Variants in ENAH observed in about 807,000 individuals in gnomAD.
ENAH encodes protein enabled homolog.
In ENAH, 23 loss-of-function variants were observed where a neutral mutation model predicts 78.7. That is an observed-to-expected ratio of 0.29 (90% CI 0.21 to 0.41). The LOEUF is 0.41. ENAH is among the 10% of genes least tolerant of loss of function. The probability of loss-of-function intolerance (pLI) is 1.00; values close to 1 mark genes in which losing one functional copy is unlikely to be tolerated. For missense variants in ENAH, 544 were observed against 691.0 expected (o/e 0.79, Z 2.39); for synonymous variants, 226 against 241.0 (o/e 0.94, Z 0.58).
At chr1:225,647,884 A>C (rs543325136) in intron 1 of ENAH, among the ~76,000 whole-genome samples, 2 of 152,342 alleles carry the variant, frequency 1.3e-5, no homozygotes, top group South Asian at 4.1e-4. Context: ...ATGAATATAA[A>C]AATCCTCTTC....
intron 3 of ENAH, among the ~76,000 whole-genome samples, chr1:225,531,633 GCTC>G (rs970932804): frequency 1.9e-4 from 29 of 152,212 alleles, no homozygotes; most frequent in African/African-American, 6.7e-4. Context: ...ACCAGCAAAT[GCTC>G]CTAACAGATA....
chr1:225,552,131 A>ATTTTT (rs1445777446), intron 3 of ENAH, among the ~76,000 whole-genome samples: 1 of 90,420 alleles, frequency 1.1e-5, no homozygotes, highest in Non-Finnish European at 2.1e-5. Context: ...AACACTCCTG[A>ATTTTT]TTCTTTTTTT....
intron 11 of ENAH, among the ~76,000 whole-genome samples, chr1:225,505,282 T>C (rs532609455): frequency 1.5e-3 from 223 of 152,312 alleles, no homozygotes; most frequent in African/African-American, 5.0e-3. Context: ...GGCTACTTTT[T>C]ATATAGGTTG....
chr1:225,507,348 T>C (rs2096340561), intron 11 of ENAH, among the ~76,000 whole-genome samples: 1 of 151,974 alleles, frequency 6.6e-6, no homozygotes. Flanking sequence ...TATACATAAA[T>C]ATATATACAT....
rs1242119394 is a variant in ENAH at position 225,490,782 on chromosome 1, C to T, written c.*6993G>A. 2.0e-5 allele frequency: 3 copies of T among 152,216 alleles called. No individual in the cohort carries two copies. Among genetic ancestry groups the T allele is most frequent in the African/African-American group, 7.2e-5 (3 of 41,436 alleles). The allele number at this position is 152,216 out of a possible 1,614,324, so 9.4% of individuals were successfully genotyped here. ...TTCCTCAGATAAACTATAAGCTATT[C>T]TTCTCCTGGAAATTTAAGTGGCAAA... is the stretch of plus-strand genomic sequence containing the variant. On this transcript the variant is annotated 3_prime_UTR_variant, in exon 14 of 14. Coordinates refer to ENST00000366843, the MANE Select transcript of ENAH (RefSeq NM_018212.6).
At chr1:225,621,576 G>A (rs1159695559) in intron 1 of ENAH, among the ~76,000 whole-genome samples, 1 of 151,934 alleles carries the variant, frequency 6.6e-6, no homozygotes, top group Non-Finnish European at 1.5e-5. Context: ...ACAGGCGTGA[G>A]CCACCGCGCC....
intron 2 of ENAH, among the ~76,000 whole-genome samples, chr1:225,566,220 C>A (rs1215288784): frequency 6.6e-6 from 1 of 152,098 alleles, no homozygotes; most frequent in Non-Finnish European, 1.5e-5. Context: ...CTTCTTTCTA[C>A]GGGGTGTAGC....
intron 1 of ENAH, among the ~76,000 whole-genome samples, chr1:225,621,658 A>C (rs1417999169): frequency 6.6e-6 from 1 of 152,098 alleles, no homozygotes; most frequent in East Asian, 1.9e-4. Context: ...CAGTCACTCA[A>C]TCTCCCAAAT....
rs373527206 is a variant in ENAH at position 225,494,169 on chromosome 1, G to A, written c.*3606C>T. The A allele has an allele frequency of 1.3e-5, 2 of 151,704 alleles. No individual in the cohort carries two copies. The highest frequency in any genetic ancestry group is 4.8e-5 in the African/African-American group (2 of 41,382). 9.4% of individuals were successfully genotyped at this position (151,704 alleles called of 1,614,324 possible). ...ACACGCGGTCCACGAGAAGTGGAGAGGAGAATGGAGGGGGGAAGGGGAAAA... is the reference window on the plus strand; with the variant it reads ...ACACGCGGTCCACGAGAAGTGGAGAAGAGAATGGAGGGGGGAAGGGGAAAA... On this transcript the variant is annotated 3_prime_UTR_variant, in exon 14 of 14. Transcript: ENST00000366843.
chr1:225,643,863 G>A (rs556637901), intron 1 of ENAH, among the ~76,000 whole-genome samples: 13 of 152,220 alleles, frequency 8.5e-5, no homozygotes, highest in Admixed American at 8.5e-4. Context: ...CTTGAGCCCA[G>A]GAGTTCGAGG....
rs1575275176 is a variant in ENAH at position 225,494,791 on chromosome 1, C to T, written c.*2984G>A. 1 of 152,488 alleles carries T rather than the reference C, an allele frequency of 6.6e-6. No individual in the cohort carries two copies. The highest frequency in any genetic ancestry group is 1.5e-5 in the Non-Finnish European group (1 of 68,018). 9.4% of individuals were successfully genotyped at this position (152,488 alleles called of 1,614,324 possible). A position where few individuals can be genotyped will look rare whatever the true frequency, so the allele number is the denominator to read the frequency against. On this transcript the variant is annotated 3_prime_UTR_variant, in exon 14 of 14. Coordinates refer to ENST00000366843, the MANE Select transcript of ENAH (RefSeq NM_018212.6). ...AAAACAAATTATTTCAGAAGATTAT[C>T]TAAGTGTCACAAACAAGCAACATAT...
intron 1 of ENAH, among the ~76,000 whole-genome samples, chr1:225,626,919 T>C (rs978125024): frequency 6.6e-6 from 1 of 152,164 alleles, no homozygotes; most frequent in African/African-American, 2.4e-5. Flanking sequence ...TCAGCTGACA[T>C]ATGAGACACT....
At chr1:225,649,474 T>C (rs955955677) in intron 1 of ENAH, among the ~76,000 whole-genome samples, 2 of 151,968 alleles carry the variant, frequency 1.3e-5, no homozygotes, top group African/African-American at 4.8e-5. Context: ...TGTATGTACA[T>C]GCATACAAAC....
At chr1:225,513,322 T>C (rs1417033667) in intron 7 of ENAH, among the ~76,000 whole-genome samples, 14 of 152,154 alleles carry the variant, frequency 9.2e-5, no homozygotes, top group African/African-American at 3.1e-4. Context: ...AACTAGAATC[T>C]AATCTTGAGG....
At chr1:225,553,393 C>T (rs1372626045) in intron 3 of ENAH, among the ~76,000 whole-genome samples, 3 of 151,742 alleles carry the variant, frequency 2.0e-5, no homozygotes, top group Admixed American at 6.6e-5. Flanking sequence ...ATTTAGTTTC[C>T]AATATAAGTT....
At chr1:225,606,024 C>T (rs1214045157) in intron 1 of ENAH, among the ~76,000 whole-genome samples, 1 of 152,182 alleles carries the variant, frequency 6.6e-6, no homozygotes, top group Non-Finnish European at 1.5e-5. Flanking sequence ...AAAACCTAAA[C>T]CTCACATTCC....
chr1:225,546,296 T>C (rs753806169), intron 3 of ENAH, among the ~76,000 whole-genome samples: 10 of 152,176 alleles, frequency 6.6e-5, no homozygotes, highest in Non-Finnish European at 1.2e-4. Flanking sequence ...ATTTTCTTTT[T>C]AGTGACTATG....
At chr1:225,587,431 C>T (rs1013978060) in intron 1 of ENAH, among the ~76,000 whole-genome samples, 1 of 151,978 alleles carries the variant, frequency 6.6e-6, no homozygotes, top group Admixed American at 6.6e-5. Flanking sequence ...TGCAATAGCA[C>T]CCAAAAAAGA....
Position 225,602,236 on chromosome 1 carries a change from A to C in ENAH, c.6-34822T>G, listed in dbSNP as rs374540938. Among the ~76,000 whole-genome samples the C allele has an allele frequency of 9.9e-4, 150 of 152,280 alleles. 5 individuals carry two copies. In the South Asian group the frequency reaches 0.03, roughly 31 times the overall value. On this transcript the variant is annotated intron_variant, in intron 1 of 13. Transcript: ENST00000366843. ...ACTGAAATGGCAATGCTCTTCTCCC[A>C]ACAAAGTAAAACAAAACGAACTCCG...
Sources: gnomAD v4.1 joint callset for allele counts (sites outside exome capture counted in the v4.1 genomes callset) on GRCh38, gnomAD v4.1.1 for gene constraint, MANE v1.5 for transcripts, NCBI Gene and HGNC (gene_info 2026-07-23, HGNC 2026-07-21) for gene names.